The following FSTL5 variants were observed in gnomAD, a reference collection of about 807,000 sequenced individuals.
The protein encoded by FSTL5 is follistatin-related protein 5.
Under a neutral mutation model 89.1 loss-of-function variants are expected in FSTL5, and 62 were observed. The ratio of observed to expected loss-of-function variants is 0.70; its 90% confidence interval spans 0.57 to 0.86. The LOEUF (loss-of-function observed/expected upper bound fraction) is 0.86. Ranked by LOEUF, FSTL5 falls within the 40% of genes least tolerant of loss-of-function variation. The pLI, the probability that FSTL5 is intolerant of heterozygous loss-of-function variation, is 0.00. For missense variants in FSTL5, 1,057 were observed against 1,001.6 expected (o/e 1.06, Z -0.75); for synonymous variants, 383 against 346.2 (o/e 1.11, Z -1.18).
chr4:161,943,391 T>C (rs894347124), intron 3 of FSTL5, among the ~76,000 whole-genome samples: 14 of 151,790 alleles, frequency 9.2e-5, no homozygotes, highest in African/African-American at 3.4e-4. Context: ...CATAATATGA[T>C]TAATTATGAA....
intron 15 of FSTL5, among the ~76,000 whole-genome samples, chr4:161,398,825 CT>C (rs1468640507): frequency 6.6e-6 from 1 of 152,016 alleles, no homozygotes; most frequent in East Asian, 1.9e-4. Flanking sequence ...TTCTGGTCAA[CT>C]ATTCTGAGGA....
rs567972697 is a variant in FSTL5 at position 161,542,625 on chromosome 4, A to T, written c.1084T>A (p.Cys362Ser). The change falls in exon 9 of 16, where the codon TGC becomes AGC. Residue 362 changes from cysteine (C) to serine (S), a missense_variant. By Grantham distance (112) the Cys-to-Ser change is moderately radical (BLOSUM62 -1). This residue lies in a region of FSTL5 where 980 missense variants were observed against 903.2 expected (regional missense o/e 1.08). Coordinates refer to ENST00000306100, the MANE Select transcript of FSTL5 (RefSeq NM_020116.5). ...REPGVTASLR[C>S]HAEGIPKPQL... Reference sequence around the variant, plus strand: ...GGCTTTGGTATGCCCTCTGCATGGCACCTAAGACTGGCAGTTACCCCAGGC... The same window carrying T: ...GGCTTTGGTATGCCCTCTGCATGGCTCCTAAGACTGGCAGTTACCCCAGGC... The T allele has an allele frequency of 1.3e-6, 2 of 1,565,132 alleles. No individual in the cohort carries two copies. Among genetic ancestry groups the T allele is most frequent in the Admixed American group, 1.8e-5 (1 of 55,896 alleles).
At chr4:161,652,349 C>T (rs971156046) in intron 7 of FSTL5, among the ~76,000 whole-genome samples, 1 of 152,026 alleles carries the variant, frequency 6.6e-6, no homozygotes, top group African/African-American at 2.4e-5. Context: ...GTGGTAGGAT[C>T]GCTTGAGCCC....
rs756705524 is a variant in FSTL5 at position 162,143,823 on chromosome 4, CAA to C, written c.-17+19790_-17+19791del. Among the ~76,000 whole-genome samples the C allele has an allele frequency of 1.0e-4, 9 of 88,238 alleles. No homozygotes were observed. In the East Asian group the frequency reaches 1.3e-3, roughly 13 times the overall value. The allele number at this position is 88,238 out of a possible 152,430, so 57.9% of individuals were successfully genotyped here. ...ACACACACACACACACACACACATACAAACACACACGGCAGGAAAAAAAATAC... is the reference window on the plus strand; with the variant it reads ...ACACACACACACACACACACACATACACACACACGGCAGGAAAAAAAATAC... On this transcript the variant is annotated intron_variant, in intron 1 of 15. Coordinates refer to ENST00000306100, the MANE Select transcript of FSTL5 (RefSeq NM_020116.5).
intron 5 of FSTL5, among the ~76,000 whole-genome samples, chr4:161,772,468 A>C (rs893468648): frequency 6.0e-5 from 9 of 151,164 alleles, no homozygotes; most frequent in African/African-American, 2.2e-4. Flanking sequence ...TCATCCAAAA[A>C]GCTCCTAGAA....
At chr4:161,686,005 T>C (rs1737697131) in intron 6 of FSTL5, among the ~76,000 whole-genome samples, 1 of 152,120 alleles carries the variant, frequency 6.6e-6, no homozygotes, top group Admixed American at 6.5e-5. Context: ...CTGCAGCTAT[T>C]GAGATGGTCA....
intron 2 of FSTL5, among the ~76,000 whole-genome samples, chr4:162,063,897 C>T (rs1738801856): frequency 1.3e-5 from 2 of 151,936 alleles, no homozygotes; most frequent in African/African-American, 4.8e-5. Flanking sequence ...TCATTCTCTC[C>T]TGTAGTAATT....
rs754279792 is a variant in FSTL5 at position 161,474,055 on chromosome 4, A to T, written c.1608+6965T>A. On this transcript the variant is annotated intron_variant, in intron 13 of 15. Transcript: ENST00000306100. The stretch of plus-strand genomic sequence containing the variant: ...ATTTCCTGCATTATTGTCTTCATTC[A>T]TGTTTAGTTATTTTTTTGTAATGAA... 1.8e-3 allele frequency among the ~76,000 whole-genome samples: 267 copies of T among 151,956 alleles called. 6 individuals are homozygous for T. The highest frequency in any genetic ancestry group is 4.6e-4 in the Non-Finnish European group (31 of 67,998).
intron 2 of FSTL5, among the ~76,000 whole-genome samples, chr4:162,063,820 T>C (rs1738799814): frequency 6.6e-6 from 1 of 151,924 alleles, no homozygotes; most frequent in Non-Finnish European, 1.5e-5. Flanking sequence ...TCCTAATACT[T>C]TTCTAGCAAG....
chr4:161,476,197 G>GTTTTTTTTTTTT (rs757760575), intron 13 of FSTL5, among the ~76,000 whole-genome samples: 1 of 107,324 alleles, frequency 9.3e-6, no homozygotes, highest in African/African-American at 3.8e-5. Context: ...TTGTTTGTTT[G>GTTTTTTTTTTTT]TTTTTTTGAG....
intron 3 of FSTL5, among the ~76,000 whole-genome samples, chr4:161,966,163 G>T (rs1328289883): frequency 6.6e-6 from 1 of 152,008 alleles, no homozygotes; most frequent in East Asian, 1.9e-4. Context: ...TTAATTCATT[G>T]TTAGTTTCTT....
intron 6 of FSTL5, among the ~76,000 whole-genome samples, chr4:161,742,077 A>G (rs1222860389): frequency 6.6e-6 from 1 of 152,132 alleles, no homozygotes; most frequent in African/African-American, 2.4e-5. Context: ...TTTTTGGATA[A>G]TACTTTGGTA....
intron 3 of FSTL5, among the ~76,000 whole-genome samples, chr4:161,946,464 G>T (rs1200438169): frequency 6.6e-6 from 1 of 152,132 alleles, no homozygotes; most frequent in Non-Finnish European, 1.5e-5. Flanking sequence ...CTTTGGGGAA[G>T]GATGCCATCA....
chr4:162,023,192 G>T (rs1339274429), intron 3 of FSTL5, among the ~76,000 whole-genome samples: 1 of 152,046 alleles, frequency 6.6e-6, no homozygotes, highest in South Asian at 2.1e-4. Context: ...CGTGTGGTAT[G>T]GTAAGATTTC....
At chr4:161,867,043 G>C (rs1732114300) in intron 4 of FSTL5, among the ~76,000 whole-genome samples, 1 of 151,858 alleles carries the variant, frequency 6.6e-6, no homozygotes, top group South Asian at 2.1e-4. Context: ...AAATATTTAG[G>C]TTTATTGTTA....
At chr4:161,492,911 A>G (rs1211288217) in intron 12 of FSTL5, among the ~76,000 whole-genome samples, 1 of 152,008 alleles carries the variant, frequency 6.6e-6, no homozygotes, top group Non-Finnish European at 1.5e-5. Context: ...ATATTTACCA[A>G]TACAAACATT....
At chr4:161,562,925 T>G (rs1732657452) in intron 8 of FSTL5, among the ~76,000 whole-genome samples, 1 of 152,044 alleles carries the variant, frequency 6.6e-6, no homozygotes, top group Admixed American at 6.6e-5. Context: ...TTGGCTTATT[T>G]CACTTAGCAT....
intron 3 of FSTL5, among the ~76,000 whole-genome samples, chr4:161,951,669 A>C (rs1734898871): frequency 6.6e-6 from 1 of 152,068 alleles, no homozygotes. Context: ...TTATTTGAGA[A>C]ATTACACATA....
chr4:162,001,306 GTCTA>G (rs1478476749), intron 3 of FSTL5, among the ~76,000 whole-genome samples: 1 of 151,454 alleles, frequency 6.6e-6, no homozygotes, highest in African/African-American at 2.4e-5. Flanking sequence ...ATATCTATCT[GTCTA>G]TCTATCCTCC....
Sources: gnomAD v4.1 joint callset for allele counts (sites outside exome capture counted in the v4.1 genomes callset) on GRCh38, gnomAD v4.1.1 for gene constraint, gnomAD v4.1.1 regional missense constraint, MANE v1.5 for transcripts, NCBI Gene and HGNC (gene_info 2026-07-23, HGNC 2026-07-21) for gene names.